Variants in DIPK1A observed in about 807,000 individuals in gnomAD.
DIPK1A encodes family with sequence similarity 69 member A.
Under a neutral mutation model 40.8 loss-of-function variants are expected in DIPK1A, and 27 were observed. That is an observed-to-expected ratio of 0.66 (90% CI 0.49 to 0.91). The LOEUF (loss-of-function observed/expected upper bound fraction) is 0.91, where lower values mean the gene tolerates loss of function less well. Ranked by LOEUF, DIPK1A falls within the 40% of genes least tolerant of loss-of-function variation. The pLI is 0.00. For synonymous variants in DIPK1A, 166 were observed against 171.3 expected, an observed-to-expected ratio of 0.97 and a Z score of 0.24; for missense variants, 412 against 505.7, an observed-to-expected ratio of 0.81 and a Z score of 1.78.
Position 92,891,585 on chromosome 1 carries a change from T to C in DIPK1A, c.55-15155A>G, listed in dbSNP as rs996863808. 6.6e-5 allele frequency among the ~76,000 whole-genome samples: 10 copies of C among 152,312 alleles called. No individual in the cohort carries two copies. In the South Asian group the frequency reaches 2.1e-3, roughly 32 times the overall value. ...AGTCTACAGCTCCCAGCATGAGCGA[T>C]GCAGAACACAGGTGATTTCTGCATT... is the stretch of plus-strand genomic sequence containing the variant. On this transcript the variant is annotated intron_variant, in intron 1 of 4. Transcript: ENST00000370310.
intron 2 of DIPK1A, among the ~76,000 whole-genome samples, chr1:92,857,560 G>A (rs1320730337): frequency 6.6e-5 from 10 of 152,076 alleles, no homozygotes; most frequent in African/African-American, 2.2e-4. Context: ...GACCTCAGGC[G>A]ATCTGCCTGC....
downstream of DIPK1A, among the ~76,000 whole-genome samples, chr1:92,841,550 T>A (rs1687363293): frequency 6.6e-6 from 1 of 152,192 alleles, no homozygotes; most frequent in African/African-American, 2.4e-5. Flanking sequence ...ATTTGACTTT[T>A]GGCCCTATGG....
At chr1:92,910,270 C>G (rs1361723729) in intron 1 of DIPK1A, among the ~76,000 whole-genome samples, 1 of 152,118 alleles carries the variant, frequency 6.6e-6, no homozygotes, top group Non-Finnish European at 1.5e-5. Flanking sequence ...AATTGTTGAT[C>G]TCTTGAGTCA....
At chr1:92,894,932 C>T (rs1475736471) in intron 1 of DIPK1A, among the ~76,000 whole-genome samples, 1 of 152,048 alleles carries the variant, frequency 6.6e-6, no homozygotes, top group Non-Finnish European at 1.5e-5. Context: ...TCGACACATA[C>T]ACCCTCCCAA....
intron 1 of DIPK1A, among the ~76,000 whole-genome samples, chr1:92,929,237 C>T (rs528586478): frequency 1.3e-5 from 2 of 152,300 alleles, no homozygotes; most frequent in East Asian, 1.9e-4. Context: ...GTTGTCATGA[C>T]TCTAGATTCT....
chr1:92,858,186 TC>T (rs556651074), intron 2 of DIPK1A, among the ~76,000 whole-genome samples: 8 of 152,292 alleles, frequency 5.3e-5, no homozygotes, highest in Admixed American at 1.3e-4. Context: ...ACTGTCCTGA[TC>T]TTGGGCTCCT....
At chr1:92,932,563 C>T (rs1364481209) in intron 1 of DIPK1A, 6 of 151,536 alleles carry the variant, frequency 4.0e-5, no homozygotes, top group African/African-American at 1.2e-4. Flanking sequence ...AGAAATGAAC[C>T]ATCAAGCCAT....
At chr1:92,912,658 C>G (rs1475437818) in intron 1 of DIPK1A, among the ~76,000 whole-genome samples, 1 of 152,148 alleles carries the variant, frequency 6.6e-6, no homozygotes, top group African/African-American at 2.4e-5. Context: ...CCAACATTCT[C>G]ACTCAAATTT....
chr1:92,932,119 G>T, intron 1 of DIPK1A: 1 of 289,366 alleles, frequency 3.5e-6, no homozygotes, highest in South Asian at 3.6e-5. Context: ...AAGAATCTAC[G>T]AGCTCGCAAA....
At chr1:92,943,133 A>G (rs892382847) in intron 1 of DIPK1A, among the ~76,000 whole-genome samples, 2 of 152,242 alleles carry the variant, frequency 1.3e-5, no homozygotes, top group African/African-American at 4.8e-5. Flanking sequence ...AACCACACTC[A>G]AATAAGGAAG....
At chr1:92,927,597 C>G (rs1650571469) in intron 1 of DIPK1A, among the ~76,000 whole-genome samples, 2 of 152,078 alleles carry the variant, frequency 1.3e-5, no homozygotes, top group South Asian at 4.1e-4. Context: ...TCAAAGAAAC[C>G]CTGTACTCAT....
At chr1:92,833,743 G>T in intron 4 of DIPK1A, 1 of 1,118,054 alleles carries the variant, frequency 8.9e-7, no homozygotes. Context: ...GTGTGTGTTA[G>T]AAGGGCTGTC....
At chr1:92,953,825 T>C (rs1651734825) in intron 1 of DIPK1A, among the ~76,000 whole-genome samples, 1 of 152,232 alleles carries the variant, frequency 6.6e-6, no homozygotes, top group Non-Finnish European at 1.5e-5. Flanking sequence ...TCTTTGTTGC[T>C]GCACAAAGTG....
intron 1 of DIPK1A, chr1:92,933,229 C>T (rs1650826504): frequency 6.6e-6 from 1 of 151,932 alleles, no homozygotes; most frequent in African/African-American, 2.4e-5. Context: ...ACTAATGAAA[C>T]AGAACATAAC....
At chr1:92,932,079 C>T in intron 1 of DIPK1A, 1 of 446,008 alleles carries the variant, frequency 2.2e-6, no homozygotes, top group Non-Finnish European at 4.3e-6. Flanking sequence ...AAGACTCTGA[C>T]TACATAGATT....
At chr1:92,905,490 C>G (rs1045788994) in intron 1 of DIPK1A, among the ~76,000 whole-genome samples, 156 of 151,948 alleles carry the variant, frequency 1.0e-3, no homozygotes, top group African/African-American at 3.5e-3. Flanking sequence ...AGATTTTTTC[C>G]CTATTAAGTT....
chr1:92,917,082 A>G (rs1201341344), intron 1 of DIPK1A, among the ~76,000 whole-genome samples: 1 of 152,174 alleles, frequency 6.6e-6, no homozygotes, highest in African/African-American at 2.4e-5. Context: ...GTAAACATTC[A>G]ATGTTGTTAA....
At chr1:92,914,697 A>G (rs1315032583) in intron 1 of DIPK1A, among the ~76,000 whole-genome samples, 2 of 150,868 alleles carry the variant, frequency 1.3e-5, no homozygotes, top group Non-Finnish European at 2.9e-5. Context: ...TGAACCTAGG[A>G]GGCGGAGGTT....
chr1:92,906,278 T>C (rs150877654), intron 1 of DIPK1A, among the ~76,000 whole-genome samples: 2 of 152,312 alleles, frequency 1.3e-5, no homozygotes, highest in African/African-American at 4.8e-5. Context: ...AATAGGGCCA[T>C]ATCTGCAAAG....
Sources: allele counts gnomAD v4.1 joint callset (sites outside exome capture counted in the v4.1 genomes callset), GRCh38; gene constraint gnomAD v4.1.1; transcripts MANE v1.5; gene names NCBI Gene and HGNC (gene_info 2026-07-23, HGNC 2026-07-21).